DAP: variants seen among roughly 807,000 people sequenced by gnomAD.
DAP encodes the protein death-associated protein 1.
A neutral mutation model predicts 13.8 loss-of-function variants in DAP; 8 were observed. The ratio of observed to expected loss-of-function variants is 0.58; its 90% CI spans 0.34 to 1.05. The LOEUF (loss-of-function observed/expected upper bound fraction) is 1.05. DAP is among the 50% of genes least tolerant of loss of function. The pLI is 0.03. For synonymous variants in DAP, 47 were observed against 47.5 expected (o/e 0.99, Z 0.04); for missense variants, 106 against 133.2 (o/e 0.80, Z 1.01).
intron 2 of DAP, among the ~76,000 whole-genome samples, chr5:10,699,931 T>C (rs1051419703): frequency 2.0e-5 from 3 of 152,214 alleles, no homozygotes; most frequent in Non-Finnish European, 4.4e-5. Context: ...AGTGAAGATA[T>C]CTATGTGCCC....
intron 2 of DAP, among the ~76,000 whole-genome samples, chr5:10,692,332 G>A (rs903169917): frequency 3.3e-5 from 5 of 152,156 alleles, no homozygotes; most frequent in African/African-American, 9.7e-5. Flanking sequence ...GGTGTAAAGC[G>A]ATGCACTCTT....
chr5:10,688,135 C>G (rs893586559), intron 2 of DAP, among the ~76,000 whole-genome samples: 7 of 152,006 alleles, frequency 4.6e-5, no homozygotes, highest in Admixed American at 3.9e-4. Flanking sequence ...AGGCTGGTCT[C>G]GAACTCCTGG....
At chr5:10,709,267 A>T (rs539125057) in intron 2 of DAP, among the ~76,000 whole-genome samples, 1 of 152,256 alleles carries the variant, frequency 6.6e-6, no homozygotes, top group Non-Finnish European at 1.5e-5. Flanking sequence ...CAGGACGTGT[A>T]CATGCATTCC....
intron 1 of DAP, among the ~76,000 whole-genome samples, chr5:10,750,397 T>G (rs1414605615): frequency 6.6e-6 from 1 of 152,110 alleles, no homozygotes; most frequent in African/African-American, 2.4e-5. Context: ...AGCTGGCTGT[T>G]AGAAAAGGGC....
intron 2 of DAP, among the ~76,000 whole-genome samples, chr5:10,696,642 T>G (rs1244677107): frequency 1.3e-5 from 2 of 152,210 alleles, no homozygotes; most frequent in African/African-American, 4.8e-5. Context: ...TTAGTGGCAA[T>G]AAGTAATGAA....
chr5:10,681,309 C>G (rs1737986027), intron 3 of DAP, 140 bp from the exon 4 acceptor site: 9 of 670,298 alleles, frequency 1.3e-5, no homozygotes, highest in South Asian at 6.7e-5. Flanking sequence ...CCAGCATCCA[C>G]CAGCGTCCCT....
chr5:10,759,794 G>A (rs1481805349), intron 1 of DAP, among the ~76,000 whole-genome samples: 1 of 115,916 alleles, frequency 8.6e-6, no homozygotes, highest in Non-Finnish European at 1.6e-5. Context: ...TCGCTTTGTC[G>A]CCAAGGCTGG....
intron 2 of DAP, among the ~76,000 whole-genome samples, chr5:10,719,324 G>C (rs1295336736): frequency 1.3e-5 from 2 of 152,222 alleles, no homozygotes; most frequent in Non-Finnish European, 2.9e-5. Context: ...GGTCCAGGCT[G>C]CTATGCAAGC....
intron 2 of DAP, among the ~76,000 whole-genome samples, chr5:10,726,129 T>C (rs1739282846): frequency 1.3e-5 from 2 of 152,172 alleles, no homozygotes; most frequent in Admixed American, 6.5e-5. Context: ...TCAAGTCCCA[T>C]GGAAAAAAAT....
intron 1 of DAP, among the ~76,000 whole-genome samples, chr5:10,760,141 G>T (rs1740302659): frequency 6.6e-6 from 1 of 152,198 alleles, no homozygotes; most frequent in Non-Finnish European, 1.5e-5. Context: ...ACAAGACTGA[G>T]TTTATGACAC....
intron 1 of DAP, among the ~76,000 whole-genome samples, chr5:10,750,929 G>C (rs1168644746): frequency 4.6e-5 from 7 of 152,194 alleles, no homozygotes; most frequent in Non-Finnish European, 1.0e-4. Flanking sequence ...CCTTTTCAAG[G>C]CAGATTTCTC....
intron 1 of DAP, among the ~76,000 whole-genome samples, chr5:10,754,640 T>C (rs951973467): frequency 1.3e-5 from 2 of 152,200 alleles, no homozygotes; most frequent in African/African-American, 2.4e-5. Context: ...GACATCTGAC[T>C]GGGCCCCTTT....
intron 2 of DAP, among the ~76,000 whole-genome samples, chr5:10,729,375 C>T (rs1426443965): frequency 6.6e-6 from 1 of 152,216 alleles, no homozygotes; most frequent in Non-Finnish European, 1.5e-5. Context: ...CTTCCCTCCC[C>T]TTCATTTCCT....
intron 2 of DAP, among the ~76,000 whole-genome samples, chr5:10,722,637 CAT>C (rs138837264): frequency 3.4e-5 from 5 of 148,324 alleles, no homozygotes; most frequent in Non-Finnish European, 4.5e-5. Flanking sequence ...CATATATATA[CAT>C]ATATATATAT....
At chr5:10,703,598 G>A (rs1477853267) in intron 2 of DAP, among the ~76,000 whole-genome samples, 3 of 152,246 alleles carry the variant, frequency 2.0e-5, no homozygotes, top group Admixed American at 6.5e-5. Flanking sequence ...ATCCATAAGG[G>A]ATGAATAAAT....
intron 2 of DAP, among the ~76,000 whole-genome samples, chr5:10,718,090 A>C (rs538218998): frequency 1.4e-4 from 21 of 152,258 alleles, no homozygotes; most frequent in African/African-American, 4.8e-4. Flanking sequence ...ATCTTTCCCC[A>C]AGGTGACCTC....
At chr5:10,713,633 C>G (rs1738907012) in intron 2 of DAP, among the ~76,000 whole-genome samples, 1 of 152,226 alleles carries the variant, frequency 6.6e-6, no homozygotes, top group Non-Finnish European at 1.5e-5. Context: ...GGTACTCAAA[C>G]CCAAGTCTCC....
chr5:10,718,411 G>T lies in DAP; in HGVS notation c.152+29764C>A, dbSNP rs371889322. 4.6e-5 allele frequency among the ~76,000 whole-genome samples: 7 copies of T among 152,224 alleles called. No homozygotes were observed. In the East Asian group the frequency reaches 1.2e-3, roughly 25 times the overall value. ...ACATTGACTCCCTGACTAATGAGGT[G>T]AGGGCTATTATGGTGGGAAAGGCCA... On this transcript the variant is annotated intron_variant, in intron 2 of 3. Coordinates refer to ENST00000230895, the MANE Select transcript of DAP (RefSeq NM_004394.3).
chr5:10,758,959 G>A (rs1740267765), intron 1 of DAP, among the ~76,000 whole-genome samples: 1 of 152,176 alleles, frequency 6.6e-6, no homozygotes, highest in African/African-American at 2.4e-5. Context: ...GGCTGAGGTG[G>A]GTGGATCACC....
Sources: gnomAD v4.1 joint callset for allele counts (sites outside exome capture counted in the v4.1 genomes callset) on GRCh38, gnomAD v4.1.1 for gene constraint, MANE v1.5 for transcripts, NCBI Gene and HGNC (gene_info 2026-07-23, HGNC 2026-07-21) for gene names.